ARHGAP22: variants seen among roughly 807,000 people sequenced by gnomAD.
ARHGAP22 encodes Rho GTPase activating protein 22, also known as rho GTPase-activating protein 22.
A neutral mutation model predicts 59.1 loss-of-function variants in ARHGAP22; 48 were observed. That is an observed-to-expected ratio of 0.81 (90% confidence interval 0.64 to 1.03). The LOEUF (loss-of-function observed/expected upper bound fraction) is 1.03, where lower values mean the gene tolerates loss of function less well. Among genes scored for constraint, ARHGAP22 ranks in the 50% least tolerant of loss-of-function variants. The pLI is 0.00. For missense variants in ARHGAP22, 1,015 were observed against 958.7 expected, an observed-to-expected ratio of 1.06 and a Z score of -0.78; for synonymous variants, 445 against 416.4, an observed-to-expected ratio of 1.07 and a Z score of -0.84.
chr10:48,596,411 G>T (rs1415301763), intron 1 of ARHGAP22, among the ~76,000 whole-genome samples: 1 of 152,166 alleles, frequency 6.6e-6, no homozygotes, highest in Non-Finnish European at 1.5e-5. Flanking sequence ...GAAGGCAGCA[G>T]CAGTGAGACA....
intron 1 of ARHGAP22, among the ~76,000 whole-genome samples, chr10:48,625,309 C>T (rs375583761): frequency 2.6e-5 from 4 of 152,224 alleles, no homozygotes; most frequent in African/African-American, 9.6e-5. Context: ...CCAGGGAACT[C>T]TTATAAGTAT....
intron 1 of ARHGAP22, among the ~76,000 whole-genome samples, chr10:48,621,683 G>A (rs74130592): frequency 3.9e-4 from 59 of 152,286 alleles, no homozygotes; most frequent in African/African-American, 1.4e-3. Context: ...GATTTATAAT[G>A]TTGTTGAAGT....
chr10:48,620,194 T>C (rs2136025550), intron 1 of ARHGAP22, among the ~76,000 whole-genome samples: 1 of 152,244 alleles, frequency 6.6e-6, no homozygotes, highest in South Asian at 2.1e-4. Flanking sequence ...ACAGAGTTTA[T>C]TGGGTTGGAG....
At position 48,555,444 on chromosome 10, in the gene ARHGAP22, G is replaced by A; in HGVS notation, c.322+19C>T. ...ACACCCCCACCAGGGCTGCAGAGCT[G>A]GAAGGTGCTCAGGCCTACCTGGGCT... On this transcript the variant is annotated intron_variant, in intron 3 of 9. Transcript: ENST00000249601. 1 of 1,612,148 alleles carries A rather than the reference G, an allele frequency of 6.2e-7. No individual in the cohort carries two copies. The highest frequency in any genetic ancestry group is 8.5e-7 in the Non-Finnish European group (1 of 1,178,598).
At chr10:48,451,420 G>A (rs866636163) in intron 8 of ARHGAP22, 1 of 704,316 alleles carries the variant, frequency 1.4e-6, no homozygotes. Context: ...GCTGGGGTGG[G>A]GTGAGGAAGC....
At chr10:48,457,272 T>C (rs2046629624) in intron 5 of ARHGAP22, among the ~76,000 whole-genome samples, 2 of 152,006 alleles carry the variant, frequency 1.3e-5, no homozygotes, top group Admixed American at 1.3e-4. Flanking sequence ...TCATCACCCA[T>C]CCCCACTTCC....
intron 3 of ARHGAP22, among the ~76,000 whole-genome samples, chr10:48,495,456 T>C (rs1355972577): frequency 6.6e-6 from 1 of 152,186 alleles, no homozygotes; most frequent in Non-Finnish European, 1.5e-5. Flanking sequence ...ATAAGATGTA[T>C]CTTCCCAACT....
intron 4 of ARHGAP22, among the ~76,000 whole-genome samples, chr10:48,472,166 T>C (rs2048294124): frequency 6.7e-6 from 1 of 149,982 alleles, no homozygotes; most frequent in Admixed American, 6.6e-5. Flanking sequence ...CCAGATAGCA[T>C]CACTGCACTC....
chr10:48,432,679 T>A, the ARHGAP22 span, among the ~76,000 whole-genome samples: 1 of 152,348 alleles, frequency 6.6e-6, no homozygotes, highest in Admixed American at 6.5e-5. Flanking sequence ...GTGGCACAGC[T>A]GGAGTGCCAG....
chr10:48,533,890 C>T (rs1302357936), intron 3 of ARHGAP22, among the ~76,000 whole-genome samples: 1 of 152,270 alleles, frequency 6.6e-6, no homozygotes, highest in Non-Finnish European at 1.5e-5. Flanking sequence ...TGGGAATTCT[C>T]TCCAAGATGT....
intron 2 of ARHGAP22, among the ~76,000 whole-genome samples, chr10:48,563,070 C>T (rs1018662782): frequency 3.3e-5 from 5 of 152,050 alleles, no homozygotes; most frequent in African/African-American, 1.2e-4. Context: ...CCACCATCTT[C>T]GAAGCCAGCA....
chr10:48,488,538 A>C (rs2050066440), intron 3 of ARHGAP22, among the ~76,000 whole-genome samples: 1 of 152,190 alleles, frequency 6.6e-6, no homozygotes, highest in Non-Finnish European at 1.5e-5. Flanking sequence ...AAAGAGTTTG[A>C]TCCTTACAGA....
chr10:48,502,498 G>A (rs1384270143), intron 3 of ARHGAP22, among the ~76,000 whole-genome samples: 1 of 152,170 alleles, frequency 6.6e-6, no homozygotes, highest in African/African-American at 2.4e-5. Flanking sequence ...CCTGCTTGAT[G>A]AGCGGAGAGC....
chr10:48,583,105 G>C lies in ARHGAP22; in HGVS notation c.82C>G (p.Arg28Gly). Residue 28 changes from arginine to glycine, a missense_variant, in exon 2 of 10, where the codon CGG becomes GGG. Transcript: ENST00000249601. ...VMGEQSRSPG[R>G]MPCPHRLGPV... is the part of the protein sequence containing the mutation. ...CCCAGCCTGTGAGGGCACGGCATCC[G>C]CCCAGGGCTCCGGCTCTGCTCCCCC... is the stretch of plus-strand genomic sequence containing the variant. 6.2e-7 allele frequency: 1 copy of C among 1,614,242 alleles called. No homozygotes were observed.
intron 2 of ARHGAP22, among the ~76,000 whole-genome samples, chr10:48,580,111 C>T (rs756960068): frequency 5.3e-5 from 8 of 152,166 alleles, no homozygotes; most frequent in East Asian, 1.9e-4. Flanking sequence ...TGGGCAGATG[C>T]TGGCATCTGC....
At chr10:48,455,692 G>A (rs2046427179) in intron 5 of ARHGAP22, among the ~76,000 whole-genome samples, 1 of 152,210 alleles carries the variant, frequency 6.6e-6, no homozygotes, top group Admixed American at 6.5e-5. Context: ...TATCCTGCAG[G>A]CCCTCCATAG....
intron 3 of ARHGAP22, among the ~76,000 whole-genome samples, chr10:48,489,400 C>A (rs1053789860): frequency 2.0e-5 from 3 of 152,208 alleles, no homozygotes; most frequent in African/African-American, 7.2e-5. Flanking sequence ...TAAACTCATT[C>A]TGTTTTCTCA....
chr10:48,435,059 T>TGGCTG, the ARHGAP22 span: 1 of 448,002 alleles, frequency 2.2e-6, no homozygotes. Flanking sequence ...GTGGGAGGGA[T>TGGCTG]GGGGAGTCGG....
In ARHGAP22 at chr10:48,591,187, G is replaced by A. The variant is rs550234006; in HGVS notation, c.35-8035C>T. The stretch of plus-strand genomic sequence containing the variant: ...CCAGGCTAAGAGGGAGGGTGACTGC[G>A]AGCCCGCAGACTCAAAAAGAAATGA... On this transcript the variant is annotated intron_variant, in intron 1 of 9. Transcript: ENST00000249601. Among the ~76,000 whole-genome samples, 41 of 152,266 alleles carry A rather than the reference G, an allele frequency of 2.7e-4. 2 individuals carry two copies. The South Asian group carries it at 8.1e-3, about 30-fold the overall frequency.
Sources: allele counts gnomAD v4.1 joint callset (sites outside exome capture counted in the v4.1 genomes callset), GRCh38; gene constraint gnomAD v4.1.1; transcripts MANE v1.5; gene names NCBI Gene and HGNC (gene_info 2026-07-23, HGNC 2026-07-21).